Variants in ZNF444 observed in about 807,000 individuals in gnomAD.
ZNF444 encodes the protein endothelial zinc finger protein 2.
In ZNF444, 8 loss-of-function variants were observed where a neutral mutation model predicts 14.4. The observed-to-expected ratio is 0.56, with a 90% confidence interval of 0.33 to 1.00. ZNF444 has a LOEUF of 1.00. Among genes scored for constraint, ZNF444 ranks in the 50% least tolerant of loss-of-function variants. The probability of loss-of-function intolerance (pLI) is 0.03; values close to 1 mark genes in which losing one functional copy is unlikely to be tolerated. For missense variants in ZNF444, 510 were observed against 504.8 expected (o/e 1.01, Z -0.10); for synonymous variants, 258 against 235.9 (o/e 1.09, Z -0.86).
intron 3 of ZNF444, among the ~76,000 whole-genome samples, chr19:56,149,097 ATC>A (rs924514041): frequency 2.6e-5 from 3 of 113,384 alleles, no homozygotes; most frequent in African/African-American, 1.2e-4. Flanking sequence ...CTCTGCTTCC[ATC>A]CCCCATCACT....
In ZNF444 at chr19:56,159,706, C is replaced by A. The variant is rs1172537811; in HGVS notation, c.489C>A (p.Pro163=). ...CCTACAAGCAGGAGCCCAGCAGCCC[C>A]CCGCTGGCGCCTGGCCTGCCCGCCT... ...VRPYKQEPSS[P]PLAPGLPAFL... Residue 163 remains proline (P), a synonymous_variant, in exon 5 of 5, where the codon CCC becomes CCA. Transcript: ENST00000337080. 2 of 1,550,386 alleles carry A rather than the reference C, an allele frequency of 1.3e-6. No individual in the cohort carries two copies. The highest frequency in any genetic ancestry group is 2.7e-5 in the African/African-American group (2 of 73,280).
chr19:56,153,810 G>A (rs76457148), intron 3 of ZNF444, among the ~76,000 whole-genome samples: 5,284 of 152,278 alleles, frequency 0.035, 117 homozygotes, highest in Non-Finnish European at 0.053. Flanking sequence ...GTCTCAGGTC[G>A]GAATTGAAGG....
At position 56,147,148 on chromosome 19, in the gene ZNF444, G is replaced by T; in HGVS notation, c.237G>T (p.Trp79Cys). The change falls in exon 3 of 5, where the codon TGG becomes TGT. Residue 79 changes from tryptophan to cysteine, a missense_variant. Physicochemically the swap from Trp to Cys is radical, Grantham distance 215. Transcript: ENST00000337080. The surrounding 1 kb of genome is among the most constrained non-coding windows in gnomAD (Gnocchi z 5.9). ...CGCTGCCCGCCGACACGCAGGCCTG[G>T]GTGTGCAGCCGGCAGCCGCAGAGCG... is the stretch of plus-strand genomic sequence containing the variant. ...LSALPADTQA[W>C]VCSRQPQSGE... 1 of 1,529,750 alleles carries T rather than the reference G, an allele frequency of 6.5e-7. No homozygotes were observed. The highest frequency in any genetic ancestry group is 2.5e-5 in the East Asian group (1 of 40,206). The allele number at this position is 1,529,750 out of a possible 1,614,324, so 94.8% of individuals were successfully genotyped here.
chr19:56,146,095 A>C (rs2031163899), intron 1 of ZNF444, 152 bp from the exon 2 acceptor site: 1 of 152,244 alleles, frequency 6.6e-6, no homozygotes, highest in East Asian at 1.9e-4. Flanking sequence ...CACAGCAGTT[A>C]GTTGGGGTGG....
chr19:56,159,916 C>CGGCAGCCCG lies in ZNF444; in HGVS notation c.707_708insGGGCAGCCC (p.Ser235_Gly237dup), dbSNP rs1337560228. Reference sequence around the variant, plus strand: ...ACCGCGACACGCACCCCGGCAGCCCCGGCAGCCCCGGGCCCGCGCTGCGCC... The same window carrying CGGCAGCCCG: ...ACCGCGACACGCACCCCGGCAGCCCCGGCAGCCCGGGCAGCCCCGGGCCCGCGCTGCGCC... On this transcript the variant is annotated inframe_insertion, in exon 5 of 5. Transcript: ENST00000337080. The CGGCAGCCCG allele has an allele frequency of 2.0e-6, 3 of 1,503,334 alleles. No homozygotes were observed. In the African/African-American group the frequency reaches 4.3e-5, roughly 22 times the overall value. The allele number at this position is 1,503,334 out of a possible 1,614,324, so 93.1% of individuals were successfully genotyped here.
intron 3 of ZNF444, among the ~76,000 whole-genome samples, chr19:56,150,658 T>C (rs1446772566): frequency 6.6e-6 from 1 of 152,230 alleles, no homozygotes; most frequent in African/African-American, 2.4e-5. Context: ...ATTTTAGTTT[T>C]AGGTAAAAGT....
In ZNF444 at chr19:56,160,004, G is replaced by C; in HGVS notation, c.787G>C (p.Glu263Gln). 6.6e-7 allele frequency: 1 copy of C among 1,512,866 alleles called. No homozygotes were observed. Among genetic ancestry groups the C allele is most frequent in the Non-Finnish European group, 8.8e-7 (1 of 1,135,874 alleles). The allele number at this position is 1,512,866 out of a possible 1,614,324, so 93.7% of individuals were successfully genotyped here. ...GTGTGGCAAGACCTTCTACTGGCGC[G>C]AGCACCTGGTGCGCCACCGCAAGAC... is the stretch of plus-strand genomic sequence containing the variant. ...CECGKTFYWR[E>Q]HLVRHRKTHS... Residue 263 changes from glutamate to glutamine, a missense_variant, in exon 5 of 5, where the codon GAG (glutamate) becomes CAG (glutamine). Transcript: ENST00000337080.
rs1022912678 is a variant in ZNF444, at chr19:56,147,981, G to C, written c.297+773G>C. ...ACCGTGATGACCACAGAGGGCCCGA[G>C]GAGCTGGAAGTGTTGACTGCCTGGC... is the stretch of plus-strand genomic sequence containing the variant. On this transcript the variant is annotated intron_variant, in intron 3 of 4. Coordinates refer to ENST00000337080, the MANE Select transcript of ZNF444 (RefSeq NM_018337.4). The surrounding 1 kb of genome is among the most constrained non-coding windows in gnomAD (Gnocchi z 5.9). 6.6e-6 allele frequency among the ~76,000 whole-genome samples: 1 copy of C among 152,260 alleles called. No individual in the cohort carries two copies. Among genetic ancestry groups the C allele is most frequent in the Non-Finnish European group, 1.5e-5 (1 of 68,044 alleles).
At chr19:56,151,737 A>G in intron 3 of ZNF444, 2 of 444,186 alleles carry the variant, frequency 4.5e-6, no homozygotes, top group Non-Finnish European at 8.9e-6. Context: ...GGTGGTGTAT[A>G]GACAGCTGAC....
intron 3 of ZNF444, among the ~76,000 whole-genome samples, chr19:56,153,625 CA>C (rs1361746134): frequency 1.3e-5 from 2 of 152,196 alleles, no homozygotes; most frequent in Admixed American, 1.3e-4. Flanking sequence ...AGTCACTCAG[CA>C]TCTGGCCTCA....
In ZNF444 at chr19:56,147,193, G is replaced by C; in HGVS notation, c.282G>C (p.Leu94=). The change falls in exon 3 of 5, where the codon CTG becomes CTC. Residue 94 remains leucine (L), a synonymous_variant. Coordinates refer to ENST00000337080, the MANE Select transcript of ZNF444 (RefSeq NM_018337.4). The surrounding 1 kb of genome is among the most constrained non-coding windows in gnomAD (Gnocchi z 5.9). ...AGAGCGGGGAGGAGGCGGTGGCCCT[G>C]CTGGAGGAGCTCTGGGTGAGCCTGG... The part of the protein sequence containing the change: ...QPQSGEEAVA[L]LEELWGPAAS... 6.9e-7 allele frequency: 1 copy of C among 1,451,228 alleles called. No individual in the cohort carries two copies. The highest frequency in any genetic ancestry group is 9.0e-7 in the Non-Finnish European group (1 of 1,107,170). 89.9% of individuals were successfully genotyped at this position (1,451,228 alleles called of 1,614,324 possible). A position where few individuals can be genotyped will look rare whatever the true frequency, so the allele number is the denominator to read the frequency against.
intron 3 of ZNF444, among the ~76,000 whole-genome samples, chr19:56,152,880 G>A (rs2031671222): frequency 6.6e-6 from 1 of 152,106 alleles, no homozygotes; most frequent in Admixed American, 6.6e-5. Flanking sequence ...AAGGCCCCAC[G>A]TAATCTCATT....
In ZNF444 at chr19:56,159,970, G is replaced by C. The variant is rs201128759; in HGVS notation, c.753G>C (p.Ala251=). 6.6e-7 allele frequency: 1 copy of C among 1,510,052 alleles called. No homozygotes were observed. Among genetic ancestry groups the C allele is most frequent in the South Asian group, 1.2e-5 (1 of 82,380 alleles). The allele number at this position is 1,510,052 out of a possible 1,614,324, so 93.5% of individuals were successfully genotyped here. Residue 251 remains alanine, a synonymous_variant, in exon 5 of 5, where the codon GCG becomes GCC. Transcript: ENST00000337080. ...TGCCCGCCCGTGAGAAGCCCCACGC[G>C]TGCTGCGAGTGTGGCAAGACCTTCT... ...RPLPAREKPH[A]CCECGKTFYW...
At chr19:56,157,325 A>G (rs1178414629) in intron 3 of ZNF444, 2 of 152,110 alleles carry the variant, frequency 1.3e-5, no homozygotes, top group Non-Finnish European at 2.9e-5. Flanking sequence ...CACCAGGCCC[A>G]CGCTCTTGTA....
At chr19:56,152,478 GTTTTGTT>G (rs1252403184) in intron 3 of ZNF444, among the ~76,000 whole-genome samples, 12 of 146,246 alleles carry the variant, frequency 8.2e-5, no homozygotes, top group East Asian at 3.9e-4. Flanking sequence ...TGATTCCAGG[GTTTTGTT>G]TTTTTTTTTT....
At chr19:56,139,523 T>TAAAAAA (rs1423111751), upstream of ZNF444, among the ~76,000 whole-genome samples, 1 of 151,724 alleles carries the variant, frequency 6.6e-6, no homozygotes, top group Non-Finnish European at 1.5e-5. Flanking sequence ...CCATCTCTAT[T>TAAAAAA]AAAAATACAA....
At chr19:56,137,860 G>A (rs1018007983), upstream of ZNF444, among the ~76,000 whole-genome samples, 7 of 152,224 alleles carry the variant, frequency 4.6e-5, no homozygotes, top group Admixed American at 3.3e-4. Context: ...GGTGGCTCAC[G>A]CCTGTAATCC....
upstream of ZNF444, among the ~76,000 whole-genome samples, chr19:56,137,185 A>G (rs952562437): frequency 1.3e-5 from 2 of 150,580 alleles, no homozygotes; most frequent in African/African-American, 4.9e-5. Context: ...AGAGTGACCC[A>G]TGAGGCCTGG....
intron 3 of ZNF444, among the ~76,000 whole-genome samples, chr19:56,149,418 T>C (rs1599882221): frequency 1.3e-5 from 2 of 151,242 alleles, no homozygotes; most frequent in Non-Finnish European, 2.9e-5. Context: ...GACCTTGACC[T>C]CTGCTTCCAT....
Sources: gnomAD v4.1 joint callset for allele counts (sites outside exome capture counted in the v4.1 genomes callset) on GRCh38, gnomAD v4.1.1 for gene constraint, Gnocchi (gnomAD v3.1) non-coding constraint, MANE v1.5 for transcripts, NCBI Gene and HGNC (gene_info 2026-07-23, HGNC 2026-07-21) for gene names.